The following OOSP3 variants were observed in gnomAD, a reference collection of about 807,000 sequenced individuals.
OOSP3 encodes the protein oocyte secreted protein family member 3.
At chr11:59,888,566 T>G (rs922482112) in intron 2 of OOSP3, among the ~76,000 whole-genome samples, 2 of 152,266 alleles carry the variant, frequency 1.3e-5, no homozygotes, top group Admixed American at 6.5e-5. Flanking sequence ...CTGTGGTTTT[T>G]GTCTTTAGTT....
At chr11:59,881,231 C>T (rs1370605244) in intron 2 of OOSP3, among the ~76,000 whole-genome samples, 1 of 151,898 alleles carries the variant, frequency 6.6e-6, no homozygotes, top group Non-Finnish European at 1.5e-5. Flanking sequence ...GGCATGGTGG[C>T]ATGTGCCTGT....
chr11:59,883,047 A>G (rs934362809), intron 2 of OOSP3, among the ~76,000 whole-genome samples: 1 of 152,084 alleles, frequency 6.6e-6, no homozygotes, highest in Non-Finnish European at 1.5e-5. Context: ...TTTGTTTTCA[A>G]TTGTGTTGGG....
At chr11:59,896,266 A>G (rs1853356947) in exon 5 of OOSP3, 1 of 397,896 alleles carries the variant, frequency 2.5e-6, no homozygotes, top group Admixed American at 4.4e-5. Flanking sequence ...CTTAAAATTT[A>G]ATTTTTGAAC....
chr11:59,883,908 T>C (rs967120240), intron 2 of OOSP3, among the ~76,000 whole-genome samples: 3 of 152,188 alleles, frequency 2.0e-5, no homozygotes, highest in Non-Finnish European at 4.4e-5. Context: ...TAATTTTAAA[T>C]TGAGTACTAA....
intron 2 of OOSP3, among the ~76,000 whole-genome samples, chr11:59,882,913 T>G (rs1182139180): frequency 6.6e-6 from 1 of 152,200 alleles, no homozygotes. Context: ...GACTTTTGCT[T>G]GCATGTTTTC....
At chr11:59,882,281 C>T (rs1357419585) in intron 2 of OOSP3, among the ~76,000 whole-genome samples, 1 of 151,742 alleles carries the variant, frequency 6.6e-6, no homozygotes, top group Non-Finnish European at 1.5e-5. Context: ...TTTTTCCCCC[C>T]TGTGGCATGA....
intron 3 of OOSP3, among the ~76,000 whole-genome samples, chr11:59,894,500 G>A (rs1315179925): frequency 6.6e-6 from 1 of 152,146 alleles, no homozygotes; most frequent in Non-Finnish European, 1.5e-5. Context: ...GGCATGAAAA[G>A]CCAGCTCTGT....
At chr11:59,882,755 T>C (rs1853216335) in intron 2 of OOSP3, among the ~76,000 whole-genome samples, 1 of 152,190 alleles carries the variant, frequency 6.6e-6, no homozygotes, top group Admixed American at 6.5e-5. Flanking sequence ...TAATCACTTC[T>C]CAAAAATGCA....
At chr11:59,885,767 A>G (rs1441771662) in intron 2 of OOSP3, among the ~76,000 whole-genome samples, 2 of 152,138 alleles carry the variant, frequency 1.3e-5, no homozygotes, top group African/African-American at 4.8e-5. Context: ...TTCATAAGGT[A>G]CATTGATCTA....
intron 2 of OOSP3, among the ~76,000 whole-genome samples, chr11:59,887,735 C>T (rs935233969): frequency 1.3e-5 from 2 of 152,146 alleles, no homozygotes; most frequent in Non-Finnish European, 2.9e-5. Context: ...TAGCATGATG[C>T]CTCCAGCTTT....
intron 2 of OOSP3, among the ~76,000 whole-genome samples, chr11:59,880,698 T>G (rs559113112): frequency 6.6e-6 from 1 of 152,262 alleles, no homozygotes; most frequent in South Asian, 2.1e-4. Context: ...AGTCCTTACA[T>G]CCCCTAAAGT....
rs552575885 is a variant in OOSP3 at position 59,881,642 on chromosome 11, C to T, written c.252+1203C>T. Among the ~76,000 whole-genome samples, 12 of 152,254 alleles carry T rather than the reference C, an allele frequency of 7.9e-5. No individual in the cohort carries two copies. The East Asian group carries it at 2.3e-3, about 29-fold the overall frequency. On this transcript the variant is annotated intron_variant, in intron 2 of 4. Coordinates refer to ENST00000646438, the Ensembl canonical transcript of OOSP3. ...GACAAAAATAGTATATTTTGGGAGG[C>T]CGAGGCAGGCAGATCACCTGAGGTC...
chr11:59,882,279 C>T (rs1281647645), intron 2 of OOSP3, among the ~76,000 whole-genome samples: 2 of 151,848 alleles, frequency 1.3e-5, no homozygotes, highest in African/African-American at 2.4e-5. Context: ...TTTTTTTCCC[C>T]CCTGTGGCAT....
intron 2 of OOSP3, among the ~76,000 whole-genome samples, chr11:59,882,625 G>C (rs61274554): frequency 3.3e-5 from 5 of 152,182 alleles, no homozygotes; most frequent in Non-Finnish European, 7.3e-5. Context: ...GTAGCAATCA[G>C]TTTAAGTAGC....
At chr11:59,896,154 C>G (rs1278927773) in exon 5 of OOSP3, 2 of 398,352 alleles carry the variant, frequency 5.0e-6, no homozygotes, top group African/African-American at 4.1e-5. Flanking sequence ...TCATCAGTCA[C>G]TTCTACTTAA....
chr11:59,888,668 G>A (rs373430504), intron 2 of OOSP3, among the ~76,000 whole-genome samples: 1 of 152,228 alleles, frequency 6.6e-6, no homozygotes, highest in African/African-American at 2.4e-5. Context: ...TGGTGTATAA[G>A]CTTTTTGATG....
At chr11:59,894,496 A>G (rs1218964874) in intron 3 of OOSP3, among the ~76,000 whole-genome samples, 1 of 152,312 alleles carries the variant, frequency 6.6e-6, no homozygotes, top group East Asian at 1.9e-4. Context: ...TGGGGGCATG[A>G]AAAGCCAGCT....
At chr11:59,893,890 T>G (rs981174387) in intron 2 of OOSP3, among the ~76,000 whole-genome samples, 189 bp from the exon 3 acceptor site, 1 of 152,238 alleles carries the variant, frequency 6.6e-6, no homozygotes, top group Admixed American at 6.5e-5. Context: ...GCACTGATGA[T>G]CAAAAGCCTT....
intron 2 of OOSP3, among the ~76,000 whole-genome samples, chr11:59,881,741 C>T (rs1202478643): frequency 6.6e-6 from 1 of 152,054 alleles, no homozygotes; most frequent in Non-Finnish European, 1.5e-5. Flanking sequence ...AGCCTAGTGG[C>T]CACCTGTAAT....
Sources: allele counts gnomAD v4.1 joint callset (sites outside exome capture counted in the v4.1 genomes callset), GRCh38; gene constraint gnomAD v4.1.1; transcripts MANE v1.5; gene names NCBI Gene and HGNC (gene_info 2026-07-23, HGNC 2026-07-21).